The following TSC22D1 variants were observed in gnomAD, a reference collection of about 807,000 sequenced individuals.
TSC22D1 encodes the protein TSC22 domain family member 1.
In TSC22D1, 9 loss-of-function variants were observed where a neutral mutation model predicts 74.2. The observed-to-expected ratio is 0.12, with a 90% CI of 0.07 to 0.21. The LOEUF (loss-of-function observed/expected upper bound fraction) is 0.21. TSC22D1 is among the 10% of genes least tolerant of loss of function. The probability of loss-of-function intolerance (pLI) is 1.00; values close to 1 mark genes in which losing one functional copy is unlikely to be tolerated. For missense variants in TSC22D1, 1,427 were observed against 1,304.7 expected (o/e 1.09, Z -1.44); for synonymous variants, 586 against 492.5 (o/e 1.19, Z -2.51).
Position 44,433,904 on chromosome 13 carries a change from A to G in TSC22D1, c.*722T>C. On this transcript the variant is annotated 3_prime_UTR_variant, in exon 3 of 3. Coordinates refer to ENST00000458659, the MANE Select transcript of TSC22D1 (RefSeq NM_183422.4). Reference sequence around the variant, plus strand: ...TCCTCAGACAGCCAATGAAACAACTAAATTTCAATCTGTACAACCTAAATA... The same window carrying G: ...TCCTCAGACAGCCAATGAAACAACTGAATTTCAATCTGTACAACCTAAATA... 1.5e-6 allele frequency: 2 copies of G among 1,374,050 alleles called. No homozygotes were observed. The highest frequency in any genetic ancestry group is 1.4e-5 in the South Asian group (1 of 69,932). 85.1% of individuals were successfully genotyped at this position (1,374,050 alleles called of 1,614,324 possible). A position where few individuals can be genotyped will look rare whatever the true frequency, so the allele number is the denominator to read the frequency against.
intron 1 of TSC22D1, among the ~76,000 whole-genome samples, chr13:44,477,244 T>C (rs141048575): frequency 6.6e-6 from 1 of 152,236 alleles, no homozygotes; most frequent in African/African-American, 2.4e-5. Context: ...TGAGCCACCA[T>C]GCCTGGCCAA....
At chr13:44,548,870 T>C (rs970122891) in intron 1 of TSC22D1, among the ~76,000 whole-genome samples, 5 of 152,160 alleles carry the variant, frequency 3.3e-5, no homozygotes, top group Non-Finnish European at 5.9e-5. Flanking sequence ...ATATATAAGA[T>C]AGACTTTTAA....
At chr13:44,522,815 G>T (rs546296603) in intron 1 of TSC22D1, among the ~76,000 whole-genome samples, 1 of 151,856 alleles carries the variant, frequency 6.6e-6, no homozygotes, top group African/African-American at 2.4e-5. Context: ...AGAAAAAATT[G>T]ATAAGGTAGA....
In TSC22D1 at chr13:44,436,103, A is replaced by G; in HGVS notation, c.2913-8T>C. ...ACACTTGCACCAGAGGAGCTGAAAA[A>G]GAGGAGGGAAAAAGGTCATCGATAA... On this transcript the variant is annotated splice_region_variant and splice_polypyrimidine_tract_variant and intron_variant, in intron 1 of 2. Transcript: ENST00000458659. 1 of 1,610,840 alleles carries G rather than the reference A, an allele frequency of 6.2e-7. No homozygotes were observed. The highest frequency in any genetic ancestry group is 8.5e-7 in the Non-Finnish European group (1 of 1,179,198).
In TSC22D1 at chr13:44,575,179, G is replaced by A. The variant is rs756321733; in HGVS notation, c.896C>T (p.Thr299Ile). ...VMTNMRAPST[T>I]GGIGINSVTG... ...AACAGAATTTATACCTATTCCACCT[G>A]TAGTACTTGGAGCACGCATATTAGT... Residue 299 changes from threonine (T) to isoleucine (I), a missense_variant, in exon 1 of 3, where the codon ACA (threonine) becomes ATA (isoleucine). This residue lies in a region of TSC22D1 where 1,343 missense variants were observed against 1,191.5 expected (regional missense o/e 1.13). Transcript: ENST00000458659. 11 of 1,613,972 alleles carry A rather than the reference G, an allele frequency of 6.8e-6. No homozygotes were observed. The highest frequency in any genetic ancestry group is 9.3e-6 in the Non-Finnish European group (11 of 1,180,044).
At chr13:44,524,277 A>G (rs1482001668) in intron 1 of TSC22D1, among the ~76,000 whole-genome samples, 1 of 151,092 alleles carries the variant, frequency 6.6e-6, no homozygotes, top group African/African-American at 2.4e-5. Flanking sequence ...ACACAACAGA[A>G]AAAAAAAAAA....
Position 44,573,510 on chromosome 13 carries a change from T to C in TSC22D1, c.2565A>G (p.Gln855=), listed in dbSNP as rs752906075. 4 of 1,614,110 alleles carry C rather than the reference T, an allele frequency of 2.5e-6. No homozygotes were observed. In the African/African-American group the frequency reaches 4.0e-5, roughly 16 times the overall value. The change falls in exon 1 of 3, where the codon CAA becomes CAG. Residue 855 remains glutamine (Q), a synonymous_variant. Coordinates refer to ENST00000458659, the MANE Select transcript of TSC22D1 (RefSeq NM_183422.4). The part of the protein sequence containing the change: ...PSAPTNLVPP[Q]NIAQTPATQN... ...GGGTAGCAGGGGTTTGTGCTATATT[T>C]TGTGGTGGAACCAAGTTTGTTGGGG...
intron 1 of TSC22D1, among the ~76,000 whole-genome samples, chr13:44,564,720 T>C (rs1883257719): frequency 6.6e-6 from 1 of 152,182 alleles, no homozygotes. Context: ...CAGATTTCCA[T>C]TTTAAGAATA....
At chr13:44,487,514 A>G (rs1215565214) in intron 1 of TSC22D1, among the ~76,000 whole-genome samples, 1 of 148,506 alleles carries the variant, frequency 6.7e-6, no homozygotes, top group Non-Finnish European at 1.5e-5. Context: ...AAAAAAAAAA[A>G]AAAAAAAAAA....
chr13:44,549,615 A>G (rs1477423636), intron 1 of TSC22D1, among the ~76,000 whole-genome samples: 2 of 151,954 alleles, frequency 1.3e-5, no homozygotes, highest in Non-Finnish European at 2.9e-5. Flanking sequence ...TCTACAAAAA[A>G]TTAGCCAGGC....
At chr13:44,448,373 T>A (rs1222993074) in intron 1 of TSC22D1, among the ~76,000 whole-genome samples, 1 of 152,178 alleles carries the variant, frequency 6.6e-6, no homozygotes, top group East Asian at 1.9e-4. Context: ...ACTAACCATT[T>A]TTCTATGCAT....
rs1277910632 is a variant in TSC22D1, at chr13:44,530,643, T to C, written c.2912+42520A>G. 2.0e-5 allele frequency among the ~76,000 whole-genome samples: 3 copies of C among 149,712 alleles called. No individual in the cohort carries two copies. In the South Asian group the frequency reaches 6.3e-4, roughly 31 times the overall value. On this transcript the variant is annotated intron_variant, in intron 1 of 2. Transcript: ENST00000458659. ...CGATAAAAAGCTGGTATCCAAAATA[T>C]ATCAAGAACTCTTAAAACTCAAAAA...
intron 1 of TSC22D1, among the ~76,000 whole-genome samples, chr13:44,535,352 A>T (rs1881079371): frequency 6.6e-6 from 1 of 152,110 alleles, no homozygotes; most frequent in African/African-American, 2.4e-5. Context: ...TTAGTGGAAA[A>T]AACACTCCAG....
upstream of TSC22D1, chr13:44,576,956 G>A (rs1341224887): frequency 6.5e-6 from 1 of 152,728 alleles, no homozygotes; most frequent in Non-Finnish European, 1.5e-5. Context: ...GGGGAGGAAG[G>A]GGCCGGCACC....
chr13:44,550,720 C>T (rs1292499312), intron 1 of TSC22D1, among the ~76,000 whole-genome samples: 4 of 151,908 alleles, frequency 2.6e-5, no homozygotes, highest in Non-Finnish European at 4.4e-5. Flanking sequence ...AAGTTTATTT[C>T]CCTACTTCCT....
chr13:44,436,830 C>T (rs978237902), intron 1 of TSC22D1: 3 of 1,348,360 alleles, frequency 2.2e-6, no homozygotes, highest in African/African-American at 3.0e-5. Context: ...CTTCCCAGAT[C>T]CGCAGCCGGG....
intron 1 of TSC22D1, among the ~76,000 whole-genome samples, chr13:44,525,253 A>C (rs1880494252): frequency 6.6e-6 from 1 of 152,186 alleles, no homozygotes; most frequent in African/African-American, 2.4e-5. Context: ...CAATCAACAG[A>C]GCTCCTGTAA....
chr13:44,513,432 GTT>G (rs997628503), intron 1 of TSC22D1, among the ~76,000 whole-genome samples: 1 of 152,016 alleles, frequency 6.6e-6, no homozygotes, highest in Non-Finnish European at 1.5e-5. Context: ...GAAATGATAG[GTT>G]TTTGTCATGT....
rs556111586 is a variant in TSC22D1, at chr13:44,560,470, T to C, written c.2912+12693A>G. Among the ~76,000 whole-genome samples, 24 of 152,338 alleles carry C rather than the reference T, an allele frequency of 1.6e-4. No homozygotes were observed. The South Asian group carries it at 5.0e-3, about 32-fold the overall frequency. ...TAAATCTTAGCACCTATTAGGAACT[T>C]TTAATTTTACTTCTGAATATTACTA... On this transcript the variant is annotated intron_variant, in intron 1 of 2. Coordinates refer to ENST00000458659, the MANE Select transcript of TSC22D1 (RefSeq NM_183422.4).
Sources: gnomAD v4.1 joint callset for allele counts (sites outside exome capture counted in the v4.1 genomes callset) on GRCh38, gnomAD v4.1.1 for gene constraint, gnomAD v4.1.1 regional missense constraint, MANE v1.5 for transcripts, NCBI Gene and HGNC (gene_info 2026-07-23, HGNC 2026-07-21) for gene names.